Variants in GABRP observed in about 807,000 individuals in gnomAD.
GABRP encodes the protein gamma-aminobutyric acid type A receptor subunit pi.
GABRP carries 52 observed loss-of-function variants against 47.8 expected under a neutral mutation model. The observed-to-expected ratio is 1.09, with a 90% confidence interval of 0.87 to 1.37. The LOEUF (loss-of-function observed/expected upper bound fraction) is 1.37, where lower values mean the gene tolerates loss of function less well. Ranked by LOEUF, GABRP falls within the 40% of genes most tolerant of loss-of-function variation. The pLI, the probability that GABRP is intolerant of heterozygous loss-of-function variation, is 0.00. For synonymous variants in GABRP, 221 were observed against 205.8 expected, an observed-to-expected ratio of 1.07 and a Z score of -0.63; for missense variants, 525 against 542.8, an observed-to-expected ratio of 0.97 and a Z score of 0.33.
Position 170,802,582 on chromosome 5 carries a change from A to G in GABRP, c.542-3134A>G, listed in dbSNP as rs183904726. Among the ~76,000 whole-genome samples the G allele has an allele frequency of 3.0e-3, 462 of 152,362 alleles. 1 individual carries two copies. The highest frequency in any genetic ancestry group is 0.012 in the South Asian group (57 of 4,824). On this transcript the variant is annotated intron_variant, in intron 6 of 9. Transcript: ENST00000265294. ...AGAACTCATTTTCAGTCCCACATGG[A>G]AAAAGCTATTACCTTCCGTGTATCG... is the stretch of plus-strand genomic sequence containing the variant.
At chr5:170,798,488 G>A (rs1326370969) in intron 6 of GABRP, among the ~76,000 whole-genome samples, 2 of 152,082 alleles carry the variant, frequency 1.3e-5, no homozygotes, top group African/African-American at 4.8e-5. Flanking sequence ...ACATTTCGGT[G>A]ACAACAAATA....
chr5:170,796,412 G>C (rs1388577508), intron 5 of GABRP, among the ~76,000 whole-genome samples: 1 of 152,176 alleles, frequency 6.6e-6, no homozygotes, highest in Non-Finnish European at 1.5e-5. Context: ...GTACATGTGT[G>C]TCTGTCTGTA....
At chr5:170,805,954 G>T (rs766395776) in intron 7 of GABRP, 101 bp downstream of exon 7, 5 of 1,317,946 alleles carry the variant, frequency 3.8e-6, no homozygotes, top group Admixed American at 1.9e-5. Flanking sequence ...ACCTCCTTGG[G>T]ATGCAGTGGA....
intron 3 of GABRP, among the ~76,000 whole-genome samples, chr5:170,791,363 G>A (rs1452168797): frequency 2.6e-5 from 4 of 152,232 alleles, no homozygotes; most frequent in Admixed American, 6.5e-5. Flanking sequence ...GGAGGCCCAC[G>A]GAGGGCCATT....
At chr5:170,787,151 A>G (rs551533301) in intron 1 of GABRP, among the ~76,000 whole-genome samples, 19 of 152,220 alleles carry the variant, frequency 1.2e-4, no homozygotes, top group Non-Finnish European at 2.6e-4. Context: ...ATTGGGACTT[A>G]TACTTTTAAC....
chr5:170,806,556 C>A (rs546615881), intron 7 of GABRP, among the ~76,000 whole-genome samples: 4 of 152,160 alleles, frequency 2.6e-5, no homozygotes, highest in Non-Finnish European at 1.5e-5. Context: ...GACTCTTGTG[C>A]CTCAGCCTCC....
At chr5:170,792,630 C>T (rs894278047) in intron 3 of GABRP, among the ~76,000 whole-genome samples, 1 of 152,166 alleles carries the variant, frequency 6.6e-6, no homozygotes, top group Non-Finnish European at 1.5e-5. Flanking sequence ...CCACTTAGCA[C>T]CAGGTCACTC....
At chr5:170,791,854 G>A (rs1489742414) in intron 3 of GABRP, among the ~76,000 whole-genome samples, 1 of 152,224 alleles carries the variant, frequency 6.6e-6, no homozygotes, top group Non-Finnish European at 1.5e-5. Context: ...ATGAGCAGAA[G>A]TTTATTGGCT....
intron 3 of GABRP, among the ~76,000 whole-genome samples, chr5:170,792,442 C>CAAA (rs61664116): frequency 8.7e-5 from 12 of 137,234 alleles, no homozygotes; most frequent in African/African-American, 3.1e-4. Flanking sequence ...GACTCCATCT[C>CAAA]AAAAAAAAAA....
At chr5:170,798,647 C>T (rs1396255469) in intron 6 of GABRP, among the ~76,000 whole-genome samples, 3 of 152,058 alleles carry the variant, frequency 2.0e-5, no homozygotes, top group African/African-American at 7.2e-5. Context: ...ATCATATCAG[C>T]CACAGGTCCC....
chr5:170,795,186 A>T (rs771579664), intron 4 of GABRP, 22 bp from the exon 5 acceptor site: 1 of 1,586,504 alleles, frequency 6.3e-7, no homozygotes, highest in Non-Finnish European at 8.6e-7. Context: ...ATCCATTTCC[A>T]TACCCTGCCT....
rs757576786 is a variant in GABRP at position 170,789,091 on chromosome 5, TAAAC to T, written c.54-35_54-32del. 495 of 1,533,188 alleles carry T rather than the reference TAAAC, an allele frequency of 3.2e-4. 4 individuals carry two copies. Among genetic ancestry groups the T allele is most frequent in the Middle Eastern group, 1.7e-4 (1 of 5,892 alleles). 95.0% of individuals were successfully genotyped at this position (1,533,188 alleles called of 1,614,324 possible). A position where few individuals can be genotyped will look rare whatever the true frequency, so the allele number is the denominator to read the frequency against. The stretch of plus-strand genomic sequence containing the variant: ...GTGTGTACACGTGTTGATTCACACA[TAAAC>T]AAGCAAACACAACAAAGCCCATTTC... On this transcript the variant is annotated intron_variant, in intron 2 of 9. Transcript: ENST00000265294.
chr5:170,811,813 C>A, intron 9 of GABRP, 143 bp from the exon 10 acceptor site: 2 of 765,640 alleles, frequency 2.6e-6, no homozygotes, highest in Non-Finnish European at 4.2e-6. Context: ...GCTTATTGGC[C>A]AATTTCTGAA....
chr5:170,793,915 A>G (rs1765348935), intron 3 of GABRP, among the ~76,000 whole-genome samples: 2 of 152,184 alleles, frequency 1.3e-5, no homozygotes, highest in Admixed American at 1.3e-4. Context: ...AGCCTGGGCA[A>G]GAAGAGTGAA....
At chr5:170,800,840 G>C (rs1341231847) in intron 6 of GABRP, among the ~76,000 whole-genome samples, 1 of 152,148 alleles carries the variant, frequency 6.6e-6, no homozygotes, top group Non-Finnish European at 1.5e-5. Context: ...CAGCTACTTG[G>C]GAGGCTGAGG....
At chr5:170,810,680 G>A (rs1454264142) in intron 9 of GABRP, among the ~76,000 whole-genome samples, 2 of 152,184 alleles carry the variant, frequency 1.3e-5, no homozygotes, top group African/African-American at 4.8e-5. Flanking sequence ...CAGTTCAGAA[G>A]AGGTGCCCAC....
intron 1 of GABRP, among the ~76,000 whole-genome samples, chr5:170,785,026 C>T (rs978430080): frequency 6.6e-6 from 1 of 152,230 alleles, no homozygotes; most frequent in African/African-American, 2.4e-5. Context: ...CAGTACCTCT[C>T]CACTAAATTC....
At position 170,812,011 on chromosome 5, in the gene GABRP, T is replaced by C. The variant is rs1265636453; in HGVS notation, c.1076T>C (p.Ile359Thr). The C allele has an allele frequency of 6.2e-7, 1 of 1,614,168 alleles. No homozygotes were observed. ...VSITNIINSS[I>T]SSFKRKISFA... is the part of the protein sequence containing the mutation. ...ATTACTAATATCATCAACAGCTCCATCTCCAGCTTTAAACGGAAGATCAGC... is the reference window on the plus strand; with the variant it reads ...ATTACTAATATCATCAACAGCTCCACCTCCAGCTTTAAACGGAAGATCAGC... The change falls in exon 10 of 10, where the codon ATC becomes ACC. Residue 359 changes from isoleucine (I) to threonine (T), a missense_variant. Physicochemically the swap from Ile to Thr is moderately conservative, Grantham distance 89 (BLOSUM62 -1). Coordinates refer to ENST00000265294, the MANE Select transcript of GABRP (RefSeq NM_014211.3).
At position 170,797,549 on chromosome 5, in the gene GABRP, G is replaced by A; in HGVS notation, c.541+1G>A. ...ACATGCAAGTTGCAGCTGGAAAGCT[G>A]TAAGTATACATCCTACAGGCTCCTG... is the stretch of plus-strand genomic sequence containing the variant. On this transcript the variant is annotated splice_donor_variant, in intron 6 of 9. Coordinates refer to ENST00000265294, the MANE Select transcript of GABRP (RefSeq NM_014211.3). LOFTEE classifies it high-confidence loss of function. 6.3e-7 allele frequency: 1 copy of A among 1,589,480 alleles called. No homozygotes were observed. Among genetic ancestry groups the A allele is most frequent in the African/African-American group, 1.3e-5 (1 of 74,376 alleles).
Sources: allele counts gnomAD v4.1 joint callset (sites outside exome capture counted in the v4.1 genomes callset), GRCh38; gene constraint gnomAD v4.1.1; transcripts MANE v1.5; gene names NCBI Gene and HGNC (gene_info 2026-07-23, HGNC 2026-07-21).